Variants in RPRD1A observed in about 807,000 individuals in gnomAD.
The protein encoded by RPRD1A is regulation of nuclear pre-mRNA domain-containing protein 1A.
Under a neutral mutation model 37.8 loss-of-function variants are expected in RPRD1A, and 9 were observed. The ratio of observed to expected loss-of-function variants is 0.24; its 90% confidence interval spans 0.14 to 0.42. The LOEUF is 0.42. Among genes scored for constraint, RPRD1A ranks in the 10% least tolerant of loss-of-function variants. The pLI, the probability that RPRD1A is intolerant of heterozygous loss-of-function variation, is 1.00. For synonymous variants in RPRD1A, 138 were observed against 139.7 expected, an observed-to-expected ratio of 0.99 and a Z score of 0.08; for missense variants, 255 against 371.0, an observed-to-expected ratio of 0.69 and a Z score of 2.57.
In RPRD1A at chr18:36,066,307, T is replaced by C. The variant is rs201470369; in HGVS notation, c.151+947A>G. On this transcript the variant is annotated intron_variant, in intron 1 of 6. Transcript: ENST00000399022. Reference sequence around the variant, plus strand: ...TGTTACGTACATACATCATATAGCTTTCACAAGGTTCAGTAAGCAAGCGTC... The same window carrying C: ...TGTTACGTACATACATCATATAGCTCTCACAAGGTTCAGTAAGCAAGCGTC... 3.3e-5 allele frequency among the ~76,000 whole-genome samples: 5 copies of C among 152,242 alleles called. No homozygotes were observed. In the East Asian group the frequency reaches 9.6e-4, roughly 29 times the overall value.
Position 36,021,037 on chromosome 18 carries a change from C to T in RPRD1A, c.789+5863G>A, listed in dbSNP as rs147210561. Among the ~76,000 whole-genome samples the T allele has an allele frequency of 5.3e-5, 8 of 152,226 alleles. No homozygotes were observed. The East Asian group carries it at 1.2e-3, about 22-fold the overall frequency. On this transcript the variant is annotated intron_variant, in intron 6 of 6. Coordinates refer to ENST00000399022, the MANE Select transcript of RPRD1A (RefSeq NM_018170.5). ...TATTATCAACAACTAAAAGATTACA[C>T]GATTCCTGAAAAAACTCAGTTAAAC...
chr18:36,016,702 G>A (rs1910605769), intron 6 of RPRD1A, among the ~76,000 whole-genome samples: 1 of 152,128 alleles, frequency 6.6e-6, no homozygotes, highest in Non-Finnish European at 1.5e-5. Context: ...AATGCCAAAA[G>A]GTGATTTAAA....
intron 1 of RPRD1A, among the ~76,000 whole-genome samples, chr18:36,054,140 C>T (rs1913596415): frequency 6.6e-6 from 1 of 152,136 alleles, no homozygotes; most frequent in Non-Finnish European, 1.5e-5. Context: ...AAAGTAAAAA[C>T]ACCATATAAA....
chr18:36,048,643 TAA>T (rs756604231), intron 1 of RPRD1A, among the ~76,000 whole-genome samples: 1 of 116,292 alleles, frequency 8.6e-6, no homozygotes, highest in Admixed American at 8.7e-5. Context: ...AAAAAGCACC[TAA>T]AAAAAAAAAA....
intron 1 of RPRD1A, among the ~76,000 whole-genome samples, chr18:36,057,051 CAAAAAAAAAAAAAAA>C (rs35428437): frequency 1.8e-4 from 8 of 44,732 alleles, no homozygotes; most frequent in Admixed American, 3.4e-4. Flanking sequence ...CCTGTTTCTA[CAAAAAAAAAAAAAAA>C]AAAAAAAAAA....
chr18:36,027,378 A>C, intron 4 of RPRD1A, 68 bp from the exon 5 acceptor site: 1 of 1,538,812 alleles, frequency 6.5e-7, no homozygotes, highest in Non-Finnish European at 9.0e-7. Flanking sequence ...CTTTAATTTC[A>C]TATTCTTTCA....
At chr18:36,037,214 C>T (rs894577641) in intron 1 of RPRD1A, among the ~76,000 whole-genome samples, 30 of 152,264 alleles carry the variant, frequency 2.0e-4, no homozygotes, top group Non-Finnish European at 2.1e-4. Context: ...GCTGTGTCCC[C>T]ACCCAAATCT....
intron 1 of RPRD1A, among the ~76,000 whole-genome samples, chr18:36,051,498 A>G (rs971253157): frequency 1.3e-5 from 2 of 152,202 alleles, no homozygotes; most frequent in African/African-American, 4.8e-5. Context: ...TAAATCATAC[A>G]CTAGTTCTAA....
At chr18:36,015,213 C>CT (rs1198425451) in intron 6 of RPRD1A, among the ~76,000 whole-genome samples, 1,876 of 131,316 alleles carry the variant, frequency 0.014, 25 homozygotes, top group South Asian at 0.043. Context: ...CATTCACATA[C>CT]TTTTTTTTTT....
rs1035371127 is a variant in RPRD1A at position 35,992,442 on chromosome 18, T to C, written c.*709A>G. 2 of 152,214 alleles carry C rather than the reference T, an allele frequency of 1.3e-5. No homozygotes were observed. The highest frequency in any genetic ancestry group is 4.8e-5 in the African/African-American group (2 of 41,456). 9.4% of individuals were successfully genotyped at this position (152,214 alleles called of 1,614,324 possible). A position where few individuals can be genotyped will look rare whatever the true frequency, so the allele number is the denominator to read the frequency against. On this transcript the variant is annotated 3_prime_UTR_variant, in exon 7 of 7. Transcript: ENST00000399022. ...GTATATTATTTCCAAAGTATTTTCA[T>C]TATTAATCTACTCAAATAATTACAA... is the stretch of plus-strand genomic sequence containing the variant.
In RPRD1A at chr18:35,990,014, A is replaced by G. The variant is rs1014456250; in HGVS notation, c.*3137T>C. 6.6e-6 allele frequency: 1 copy of G among 152,234 alleles called. No individual in the cohort carries two copies. The highest frequency in any genetic ancestry group is 1.5e-5 in the Non-Finnish European group (1 of 68,046). The allele number at this position is 152,234 out of a possible 1,614,324, so 9.4% of individuals were successfully genotyped here. ...AATGCTCTGTATAAATAATTCATTAAGTAACACAATGTTTCCTTTCTATAC... is the reference window on the plus strand; with the variant it reads ...AATGCTCTGTATAAATAATTCATTAGGTAACACAATGTTTCCTTTCTATAC... On this transcript the variant is annotated 3_prime_UTR_variant, in exon 7 of 7. Transcript: ENST00000399022.
intron 1 of RPRD1A, among the ~76,000 whole-genome samples, chr18:36,056,981 A>T (rs1913816211): frequency 6.7e-6 from 1 of 150,014 alleles, no homozygotes; most frequent in Non-Finnish European, 1.5e-5. Context: ...TTGGGAGGCC[A>T]AGACAGGAGG....
chr18:36,002,982 A>G (rs925368416), intron 6 of RPRD1A, among the ~76,000 whole-genome samples: 3 of 152,194 alleles, frequency 2.0e-5, no homozygotes, highest in Non-Finnish European at 4.4e-5. Context: ...AACACATCCA[A>G]TGGTCCTAGT....
intron 6 of RPRD1A, among the ~76,000 whole-genome samples, chr18:36,013,064 T>C (rs1332257500): frequency 2.0e-5 from 3 of 152,092 alleles, no homozygotes; most frequent in South Asian, 2.1e-4. Flanking sequence ...CTGGCAAAAA[T>C]AGAGGCAAGG....
At chr18:35,996,742 G>A (rs962803114) in intron 6 of RPRD1A, among the ~76,000 whole-genome samples, 2 of 152,116 alleles carry the variant, frequency 1.3e-5, no homozygotes, top group African/African-American at 4.8e-5. Flanking sequence ...TTTTGAGGCC[G>A]AAGTGGGTGG....
At chr18:36,031,867 T>C (rs1911816194) in intron 2 of RPRD1A, among the ~76,000 whole-genome samples, 1 of 152,232 alleles carries the variant, frequency 6.6e-6, no homozygotes, top group African/African-American at 2.4e-5. Flanking sequence ...ATCCTTACTC[T>C]GGGCCATAAG....
intron 6 of RPRD1A, among the ~76,000 whole-genome samples, chr18:35,998,448 C>CT (rs1658459101): frequency 6.6e-6 from 1 of 152,162 alleles, no homozygotes. Context: ...TTACCTCATT[C>CT]TTCTTACTCT....
chr18:36,012,296 T>C (rs1227237063), intron 6 of RPRD1A, among the ~76,000 whole-genome samples: 1 of 152,222 alleles, frequency 6.6e-6, no homozygotes, highest in Non-Finnish European at 1.5e-5. Context: ...AGTACAATTA[T>C]GTACAGTATA....
intron 1 of RPRD1A, among the ~76,000 whole-genome samples, chr18:36,040,271 TCA>T (rs1483823064): frequency 6.6e-6 from 1 of 152,218 alleles, no homozygotes; most frequent in African/African-American, 2.4e-5. Context: ...TATCTACCAT[TCA>T]CAGACACCGC....
Sources: allele counts gnomAD v4.1 joint callset (sites outside exome capture counted in the v4.1 genomes callset), GRCh38; gene constraint gnomAD v4.1.1; transcripts MANE v1.5; gene names NCBI Gene and HGNC (gene_info 2026-07-23, HGNC 2026-07-21).